MYMX: variants seen among roughly 807,000 people sequenced by gnomAD.
MYMX encodes the protein myomixer, myoblast fusion factor.
chr6:44,198,651 C>T, the MYMX span, among the ~76,000 whole-genome samples: 2 of 151,942 alleles, frequency 1.3e-5, no homozygotes, highest in East Asian at 3.9e-4. Flanking sequence ...GGATTACAGG[C>T]ACCAGTGCCT....
the MYMX span, among the ~76,000 whole-genome samples, chr6:44,195,166 G>A: frequency 2.6e-5 from 4 of 151,798 alleles, no homozygotes; most frequent in Admixed American, 1.3e-4. Context: ...TTACAGGTGC[G>A]CACCACCAAG....
upstream of MYMX, among the ~76,000 whole-genome samples, chr6:44,213,376 GA>G (rs1775700401): frequency 7.0e-6 from 1 of 142,592 alleles, no homozygotes; most frequent in Admixed American, 6.7e-5. Context: ...ACAAAAAAAA[GA>G]AAAGAAAAGA....
the MYMX span, among the ~76,000 whole-genome samples, chr6:44,199,148 C>T: frequency 6.6e-6 from 1 of 152,146 alleles, no homozygotes; most frequent in Non-Finnish European, 1.5e-5. Flanking sequence ...ACCAGATTGG[C>T]CAGATTGGTA....
At chr6:44,207,376 T>C in the MYMX span, among the ~76,000 whole-genome samples, 1 of 152,234 alleles carries the variant, frequency 6.6e-6, no homozygotes, top group East Asian at 1.9e-4. Flanking sequence ...CCTGACCTCG[T>C]GATCCACCCG....
the MYMX span, among the ~76,000 whole-genome samples, chr6:44,211,788 T>TTGTGTGTGTGTGTGTGTGTGTGTGTGTG: frequency 1.9e-3 from 238 of 126,404 alleles, 1 homozygote; most frequent in African/African-American, 3.0e-3. Context: ...CAGCTAGGTT[T>TTGTGTGTGTGTGTGTGTGTGTGTGTGTG]TGTGTGTGTG....
chr6:44,216,300 C>G (rs541507590), upstream of MYMX, among the ~76,000 whole-genome samples: 9 of 152,354 alleles, frequency 5.9e-5, no homozygotes, highest in South Asian at 4.1e-4. Context: ...ACTGAGGCTA[C>G]AGCGGAGAGG....
chr6:44,210,447 T>C, the MYMX span, among the ~76,000 whole-genome samples: 1 of 151,978 alleles, frequency 6.6e-6, no homozygotes, highest in East Asian at 1.9e-4. Flanking sequence ...TCCTGGCTGA[T>C]GGTTTTATTT....
upstream of MYMX, among the ~76,000 whole-genome samples, chr6:44,214,857 G>A (rs1775774992): frequency 1.3e-5 from 2 of 152,168 alleles, no homozygotes; most frequent in African/African-American, 4.8e-5. Flanking sequence ...ACAGGTATGA[G>A]CCACCATGTC....
At chr6:44,207,928 A>G in the MYMX span, among the ~76,000 whole-genome samples, 1 of 152,016 alleles carries the variant, frequency 6.6e-6, no homozygotes, top group South Asian at 2.1e-4. Flanking sequence ...AATTGGTACT[A>G]TTTGAGAAAA....
At chr6:44,199,948 G>C in the MYMX span, among the ~76,000 whole-genome samples, 5 of 152,164 alleles carry the variant, frequency 3.3e-5, no homozygotes, top group African/African-American at 1.2e-4. Context: ...GCCTCCTAAA[G>C]TGTTGGGATT....
chr6:44,200,097 G>A, the MYMX span, among the ~76,000 whole-genome samples: 1 of 151,986 alleles, frequency 6.6e-6, no homozygotes, highest in Non-Finnish European at 1.5e-5. Flanking sequence ...GAACTTAGGA[G>A]GTCAAGGCTA....
upstream of MYMX, among the ~76,000 whole-genome samples, chr6:44,216,256 C>T (rs1775857327): frequency 6.6e-6 from 1 of 152,218 alleles, no homozygotes; most frequent in African/African-American, 2.4e-5. Flanking sequence ...ATATATTGTC[C>T]TGTTCCAGTT....
upstream of MYMX, among the ~76,000 whole-genome samples, chr6:44,216,769 T>G (rs1025789542): frequency 6.6e-6 from 1 of 151,764 alleles, no homozygotes; most frequent in Non-Finnish European, 1.5e-5. Context: ...GACTGGGAAG[T>G]GGGGGCCAGC....
At chr6:44,197,468 G>A in the MYMX span, among the ~76,000 whole-genome samples, 1 of 152,192 alleles carries the variant, frequency 6.6e-6, no homozygotes, top group Admixed American at 6.5e-5. Context: ...AGGAGGCGGA[G>A]GTTGCAGTGA....
the MYMX span, among the ~76,000 whole-genome samples, chr6:44,193,050 A>G: frequency 6.6e-6 from 1 of 152,094 alleles, no homozygotes; most frequent in Non-Finnish European, 1.5e-5. Context: ...CTGATGCACA[A>G]ACTTTTTTAC....
At chr6:44,198,792 T>A in the MYMX span, among the ~76,000 whole-genome samples, 13 of 152,246 alleles carry the variant, frequency 8.5e-5, no homozygotes, top group African/African-American at 3.1e-4. Flanking sequence ...ATTTTTGTAT[T>A]TTTAGGAGAG....
chr6:44,196,681 G>A, the MYMX span, among the ~76,000 whole-genome samples: 1 of 152,014 alleles, frequency 6.6e-6, no homozygotes, highest in Non-Finnish European at 1.5e-5. Context: ...CAAACAGGAC[G>A]GGCGCAGTGG....
upstream of MYMX, among the ~76,000 whole-genome samples, chr6:44,215,470 G>A (rs1048949661): frequency 6.6e-6 from 1 of 152,106 alleles, no homozygotes; most frequent in African/African-American, 2.4e-5. Context: ...CCAGCAACTC[G>A]GGAGACTAAG....
upstream of MYMX, among the ~76,000 whole-genome samples, chr6:44,215,599 A>G (rs1220993121): frequency 2.1e-5 from 3 of 144,624 alleles, no homozygotes; most frequent in East Asian, 6.4e-4. Context: ...TAAAATAAAT[A>G]AAAATAAAAA....
Sources: allele counts gnomAD v4.1 joint callset (sites outside exome capture counted in the v4.1 genomes callset), GRCh38; gene constraint gnomAD v4.1.1; transcripts MANE v1.5; gene names NCBI Gene and HGNC (gene_info 2026-07-23, HGNC 2026-07-21).